Variants in TAFA2 observed in about 807,000 individuals in gnomAD.
The protein encoded by TAFA2 is chemokine-like protein TAFA-2.
A neutral mutation model predicts 18.8 loss-of-function variants in TAFA2; 7 were observed. The observed-to-expected ratio is 0.37, with a 90% CI of 0.21 to 0.70. The LOEUF is 0.70. TAFA2 is among the 30% of genes least tolerant of loss of function. The pLI is 0.53. For missense variants in TAFA2, 122 were observed against 158.1 expected, an observed-to-expected ratio of 0.77 and a Z score of 1.23; for synonymous variants, 60 against 54.2, an observed-to-expected ratio of 1.11 and a Z score of -0.47.
intron 4 of TAFA2, among the ~76,000 whole-genome samples, chr12:61,747,838 A>C (rs944642826): frequency 1.3e-5 from 2 of 151,926 alleles, no homozygotes; most frequent in Admixed American, 1.3e-4. Flanking sequence ...CACATTGTGC[A>C]CATGTACCCT....
At chr12:61,734,690 A>G (rs925150098) in intron 4 of TAFA2, among the ~76,000 whole-genome samples, 5 of 151,998 alleles carry the variant, frequency 3.3e-5, no homozygotes, top group African/African-American at 7.2e-5. Context: ...CTTGGAGGCT[A>G]TATAGCCTGG....
intron 1 of TAFA2, among the ~76,000 whole-genome samples, chr12:61,908,982 C>T (rs1256467762): frequency 6.6e-6 from 1 of 152,158 alleles, no homozygotes; most frequent in Non-Finnish European, 1.5e-5. Flanking sequence ...TCCAGTAGTG[C>T]AATTTCAGGA....
intron 1 of TAFA2, among the ~76,000 whole-genome samples, chr12:61,872,113 C>A (rs1874635031): frequency 6.6e-6 from 1 of 151,944 alleles, no homozygotes; most frequent in South Asian, 2.1e-4. Flanking sequence ...TGAGAAAAAT[C>A]ATTTCCCCAT....
rs1331162641 is a variant in TAFA2, at chr12:61,969,895, T to C, written c.-1-102469A>G. On this transcript the variant is annotated intron_variant, in intron 1 of 4. Coordinates refer to ENST00000416284, the MANE Select transcript of TAFA2 (RefSeq NM_178539.5). ...TACAAAAAAGAAAGTTGCAACATTT[T>C]TGGAGAATGTCAAGAGATCCAATAT... Among the ~76,000 whole-genome samples the C allele has an allele frequency of 2.6e-5, 4 of 151,582 alleles. No individual in the cohort carries two copies. In the East Asian group the frequency reaches 5.8e-4, roughly 22 times the overall value.
At chr12:62,036,135 C>T (rs1881605728) in intron 1 of TAFA2, among the ~76,000 whole-genome samples, 1 of 152,014 alleles carries the variant, frequency 6.6e-6, no homozygotes, top group South Asian at 2.1e-4. Context: ...AACCCGTTTC[C>T]CATACCCAGT....
intron 1 of TAFA2, among the ~76,000 whole-genome samples, chr12:61,962,865 C>T (rs1243887400): frequency 6.6e-6 from 1 of 151,954 alleles, no homozygotes; most frequent in Non-Finnish European, 1.5e-5. Context: ...CCATCATCTA[C>T]ATTAGGTATT....
intron 2 of TAFA2, among the ~76,000 whole-genome samples, chr12:61,761,022 C>T (rs1302155947): frequency 6.6e-6 from 1 of 151,986 alleles, no homozygotes; most frequent in Non-Finnish European, 1.5e-5. Context: ...TTACCCAGCT[C>T]TAATTTCTGC....
chr12:61,839,825 A>G (rs755807869), intron 2 of TAFA2, among the ~76,000 whole-genome samples: 1 of 152,202 alleles, frequency 6.6e-6, no homozygotes, highest in Admixed American at 6.5e-5. Context: ...AATATACCCA[A>G]GTAAAAAATC....
At chr12:62,100,163 AC>A (rs1869130241) in intron 1 of TAFA2, among the ~76,000 whole-genome samples, 1 of 151,714 alleles carries the variant, frequency 6.6e-6, no homozygotes, top group Non-Finnish European at 1.5e-5. Flanking sequence ...ACACACACAC[AC>A]ACACACAGCC....
At chr12:61,904,471 C>T (rs893804063) in intron 1 of TAFA2, among the ~76,000 whole-genome samples, 1 of 152,114 alleles carries the variant, frequency 6.6e-6, no homozygotes, top group Non-Finnish European at 1.5e-5. Flanking sequence ...AGCAACCACT[C>T]TCCCAGGTGC....
intron 1 of TAFA2, among the ~76,000 whole-genome samples, chr12:61,871,655 G>GT (rs770126480): frequency 2.0e-5 from 3 of 152,170 alleles, no homozygotes; most frequent in East Asian, 3.9e-4. Flanking sequence ...ATGTTGAAGT[G>GT]AAAAGTTGTC....
At chr12:62,257,643 G>C (rs146633319) in intron 1 of TAFA2, among the ~76,000 whole-genome samples, 1 of 152,044 alleles carries the variant, frequency 6.6e-6, no homozygotes, top group Admixed American at 6.5e-5. Context: ...TCTAGGTTAC[G>C]TTTTAAATTG....
intron 1 of TAFA2, among the ~76,000 whole-genome samples, chr12:62,198,616 T>C (rs1213984397): frequency 6.6e-6 from 1 of 152,220 alleles, no homozygotes; most frequent in Non-Finnish European, 1.5e-5. Flanking sequence ...TTTTATTTGA[T>C]GTTAACCAAG....
chr12:62,137,455 G>C (rs751824923), intron 1 of TAFA2, among the ~76,000 whole-genome samples: 24 of 152,136 alleles, frequency 1.6e-4, no homozygotes, highest in Admixed American at 9.8e-4. Flanking sequence ...AGGTCACACT[G>C]CTGGTTGAGG....
At chr12:61,826,321 A>G (rs1287419069) in intron 2 of TAFA2, among the ~76,000 whole-genome samples, 1 of 149,260 alleles carries the variant, frequency 6.7e-6, no homozygotes, top group Admixed American at 6.8e-5. Context: ...GATGTTCAAA[A>G]CTTCTAATTA....
intron 4 of TAFA2, among the ~76,000 whole-genome samples, chr12:61,751,864 T>C (rs1285692039): frequency 6.8e-6 from 1 of 146,454 alleles, no homozygotes; most frequent in African/African-American, 2.6e-5. Context: ...CACTTCCAAA[T>C]TTTTTTTTTT....
intron 1 of TAFA2, among the ~76,000 whole-genome samples, chr12:62,144,724 T>C (rs1192017948): frequency 1.3e-5 from 2 of 152,188 alleles, no homozygotes; most frequent in Non-Finnish European, 1.5e-5. Flanking sequence ...GGCCCTTAAG[T>C]AGAACCCAAC....
intron 1 of TAFA2, among the ~76,000 whole-genome samples, chr12:61,971,081 GGA>G (rs1454238576): frequency 6.6e-6 from 1 of 151,550 alleles, no homozygotes; most frequent in Non-Finnish European, 1.5e-5. Context: ...GGGAGGGTAT[GGA>G]AAGCAGGGAA....
chr12:61,737,667 A>G (rs1868326826), intron 4 of TAFA2, among the ~76,000 whole-genome samples: 1 of 151,966 alleles, frequency 6.6e-6, no homozygotes, highest in African/African-American at 2.4e-5. Context: ...GTTAAGTGCA[A>G]TTATGCCTCC....
Sources: allele counts gnomAD v4.1 joint callset (sites outside exome capture counted in the v4.1 genomes callset), GRCh38; gene constraint gnomAD v4.1.1; transcripts MANE v1.5; gene names NCBI Gene and HGNC (gene_info 2026-07-23, HGNC 2026-07-21).